Variants in NPFFR1 observed in about 807,000 individuals in gnomAD.
NPFFR1 encodes G-protein coupled receptor 147.
In NPFFR1, 17 loss-of-function variants were observed where a neutral mutation model predicts 12.7. That is an observed-to-expected ratio of 1.34 (90% CI 0.92 to 2.01). NPFFR1 has a LOEUF of 2.01. Among genes scored for constraint, NPFFR1 ranks in the 30% most tolerant of loss-of-function variants. NPFFR1 has a pLI of 0.00. For missense variants in NPFFR1, 604 were observed against 606.5 expected (o/e 1.00, Z 0.04); for synonymous variants, 296 against 264.5 (o/e 1.12, Z -1.16).
intron 1 of NPFFR1, among the ~76,000 whole-genome samples, chr10:70,279,274 G>C (rs376005387): frequency 6.6e-6 from 1 of 152,030 alleles, no homozygotes; most frequent in East Asian, 1.9e-4. Context: ...AGCCTCCCAA[G>C]TAGCTGGGAT....
intron 1 of NPFFR1, among the ~76,000 whole-genome samples, chr10:70,276,628 C>T (rs1211647902): frequency 1.4e-5 from 2 of 142,538 alleles, no homozygotes; most frequent in Non-Finnish European, 3.0e-5. Flanking sequence ...CACTCTGTCA[C>T]CCAAGCTGGA....
chr10:70,274,972 T>C (rs921904042), intron 1 of NPFFR1, among the ~76,000 whole-genome samples: 5 of 152,166 alleles, frequency 3.3e-5, no homozygotes, highest in Non-Finnish European at 7.3e-5. Flanking sequence ...TCTTGAGAAC[T>C]ATAACCTCCT....
chr10:70,267,200 G>A (rs1443180984), intron 1 of NPFFR1, among the ~76,000 whole-genome samples: 1 of 152,200 alleles, frequency 6.6e-6, no homozygotes, highest in African/African-American at 2.4e-5. Flanking sequence ...AAGGGAGAAT[G>A]AAGGGGAACT....
At chr10:70,273,411 C>T (rs1231316258) in intron 1 of NPFFR1, among the ~76,000 whole-genome samples, 1 of 152,144 alleles carries the variant, frequency 6.6e-6, no homozygotes, top group Non-Finnish European at 1.5e-5. Flanking sequence ...TTCACAGATG[C>T]TTTCCTAGGG....
chr10:70,266,709 T>C (rs1840695317), intron 1 of NPFFR1, among the ~76,000 whole-genome samples: 1 of 152,250 alleles, frequency 6.6e-6, no homozygotes, highest in South Asian at 2.1e-4. Context: ...AACCTCTAAG[T>C]TCTGCATTGC....
At chr10:70,269,570 G>A (rs1331725215) in intron 1 of NPFFR1, among the ~76,000 whole-genome samples, 1 of 149,570 alleles carries the variant, frequency 6.7e-6, no homozygotes, top group Non-Finnish European at 1.5e-5. Flanking sequence ...GAGTGCAATG[G>A]CTTCGATCTT....
In NPFFR1 at chr10:70,254,489, TC is replaced by T. The variant is rs1333528481; in HGVS notation, c.*467del. ...CAGGCCGGCTTTGCTTTTCGCTTCT[TC>T]CTAGCTGCCTAATTAGGACTTACTC... On this transcript the variant is annotated 3_prime_UTR_variant, in exon 4 of 4. Coordinates refer to ENST00000277942, the MANE Select transcript of NPFFR1 (RefSeq NM_022146.5). The T allele has an allele frequency of 2.6e-5, 4 of 155,882 alleles. No individual in the cohort carries two copies. Among genetic ancestry groups the T allele is most frequent in the African/African-American group, 9.6e-5 (4 of 41,632 alleles). 9.7% of individuals were successfully genotyped at this position (155,882 alleles called of 1,614,324 possible).
rs190406165 is a variant in NPFFR1, at chr10:70,248,844, A to G, written c.*6113T>C. The G allele has an allele frequency of 5.2e-4, 79 of 152,262 alleles. No individual in the cohort carries two copies. The highest frequency in any genetic ancestry group is 1.9e-3 in the African/African-American group (77 of 41,552). 9.4% of individuals were successfully genotyped at this position (152,262 alleles called of 1,614,324 possible). A position where few individuals can be genotyped will look rare whatever the true frequency, so the allele number is the denominator to read the frequency against. The stretch of plus-strand genomic sequence containing the variant: ...TTTTGAGTTAACCAGAAATTTAATT[A>G]TTGAAATTCAATAGCATTTTGATAT... On this transcript the variant is annotated 3_prime_UTR_variant, in exon 4 of 4. Coordinates refer to ENST00000277942, the MANE Select transcript of NPFFR1 (RefSeq NM_022146.5).
At chr10:70,277,335 CTG>C (rs1840814620) in intron 1 of NPFFR1, among the ~76,000 whole-genome samples, 1 of 152,246 alleles carries the variant, frequency 6.6e-6, no homozygotes, top group African/African-American at 2.4e-5. Flanking sequence ...CCAGGGCAAT[CTG>C]TGCCTCCTGG....
intron 3 of NPFFR1, among the ~76,000 whole-genome samples, chr10:70,259,006 A>G (rs1437558580): frequency 5.9e-5 from 9 of 152,188 alleles, no homozygotes; most frequent in Non-Finnish European, 1.0e-4. Context: ...TCACATACTC[A>G]AGAAAGCTCC....
chr10:70,264,923 T>C (rs1289826336), intron 2 of NPFFR1, among the ~76,000 whole-genome samples: 1 of 152,244 alleles, frequency 6.6e-6, no homozygotes, highest in African/African-American at 2.4e-5. Flanking sequence ...GTGACCTCAT[T>C]ATATCACTGT....
At chr10:70,270,685 G>C (rs2136804196) in intron 1 of NPFFR1, among the ~76,000 whole-genome samples, 1 of 152,290 alleles carries the variant, frequency 6.6e-6, no homozygotes, top group Middle Eastern at 3.4e-3. Context: ...AATTCCACTG[G>C]ACTGGAGGCA....
Position 70,260,704 on chromosome 10 carries a change from C to T in NPFFR1, c.358G>A (p.Gly120Ser), listed in dbSNP as rs772993774. ...GACACAGACATGCCCTGCACCAAGC[C>T]GCTCATCTTGCATGTGGCATTGTCG... is the stretch of plus-strand genomic sequence containing the variant. ...PFDNATCKMSGLVQGMSVSAS... is the reference protein window; with the variant it reads ...PFDNATCKMSSLVQGMSVSAS... Residue 120 changes from glycine to serine, a missense_variant, in exon 3 of 4, where the codon GGC (glycine) becomes AGC (serine). Coordinates refer to ENST00000277942, the MANE Select transcript of NPFFR1 (RefSeq NM_022146.5). The T allele has an allele frequency of 4.0e-5, 64 of 1,609,458 alleles. No individual in the cohort carries two copies. The highest frequency in any genetic ancestry group is 4.8e-5 in the Non-Finnish European group (56 of 1,177,976).
At chr10:70,259,595 C>T (rs1840613118) in intron 3 of NPFFR1, among the ~76,000 whole-genome samples, 1 of 152,130 alleles carries the variant, frequency 6.6e-6, no homozygotes, top group Non-Finnish European at 1.5e-5. Flanking sequence ...TTCATTACTC[C>T]AGCTGCCTAC....
At position 70,255,654 on chromosome 10, in the gene NPFFR1, G is replaced by T; in HGVS notation, c.596C>A (p.Pro199Gln). 1 of 1,596,030 alleles carries T rather than the reference G, an allele frequency of 6.3e-7. No individual in the cohort carries two copies. The highest frequency in any genetic ancestry group is 1.3e-5 in the African/African-American group (1 of 74,692). Residue 199 changes from proline (P) to glutamine (Q), a missense_variant, in exon 4 of 4, where the codon CCG becomes CAG. Pro to Gln is a moderately conservative substitution (Grantham distance 76). Transcript: ENST00000277942. This position sits in a 1 kb window ranked among gnomAD's most constrained non-coding sequence, Gnocchi z 4.2. Reference protein sequence around the residue: ...FMVDARNRSYPLYSCWEAWPE... With the variant: ...FMVDARNRSYQLYSCWEAWPE... ...CCAGGCCTCCCAGCAGGAGTAGAGCGGGTAGGAGCGGTTGCGGGCGTCCAC... is the reference window on the plus strand; with the variant it reads ...CCAGGCCTCCCAGCAGGAGTAGAGCTGGTAGGAGCGGTTGCGGGCGTCCAC...
At chr10:70,270,089 C>G (rs1840731836) in intron 1 of NPFFR1, among the ~76,000 whole-genome samples, 1 of 152,220 alleles carries the variant, frequency 6.6e-6, no homozygotes, top group Non-Finnish European at 1.5e-5. Flanking sequence ...TTGACAGCAC[C>G]TGCAAAGCAA....
In NPFFR1 at chr10:70,255,461, C is replaced by A. The variant is rs1267572194; in HGVS notation, c.789G>T (p.Arg263=). 1.3e-6 allele frequency: 2 copies of A among 1,548,262 alleles called. No individual in the cohort carries two copies. The highest frequency in any genetic ancestry group is 1.4e-5 in the African/African-American group (1 of 72,978). The change falls in exon 4 of 4, where the codon CGG becomes CGT. Residue 263 remains arginine (R), a synonymous_variant. Transcript: ENST00000277942. This position sits in a 1 kb window ranked among gnomAD's most constrained non-coding sequence, Gnocchi z 4.2. ...GCATGTGCACCACGCGCGCTCTGCGCCGCGATGCTCGCGGGTCCGCAGCCT... is the reference window on the plus strand; with the variant it reads ...GCATGTGCACCACGCGCGCTCTGCGACGCGATGCTCGCGGGTCCGCAGCCT... ...GEEAADPRAS[R]RRARVVHMLV...
rs34721849 is a variant in NPFFR1 at position 70,249,399 on chromosome 10, C to CA, written c.*5557dup. 54,807 of 141,392 alleles carry CA rather than the reference C, an allele frequency of 0.39. 11,111 individuals are homozygous for CA. The highest frequency in any genetic ancestry group is 0.48 in the South Asian group (2,178 of 4,526). The allele number at this position is 141,392 out of a possible 1,614,324, so 8.8% of individuals were successfully genotyped here. Reference sequence around the variant, plus strand: ...GGGCAACAAAAGCAAGACTCTGTCTCAAAAAAAAAAAAATTATATTCACAA... The same window carrying CA: ...GGGCAACAAAAGCAAGACTCTGTCTCAAAAAAAAAAAAAATTATATTCACAA... On this transcript the variant is annotated 3_prime_UTR_variant, in exon 4 of 4. Transcript: ENST00000277942.
In NPFFR1 at chr10:70,248,485, GTTTTT is replaced by G; in HGVS notation, c.*6467_*6471del. On this transcript the variant is annotated 3_prime_UTR_variant, in exon 4 of 4. Coordinates refer to ENST00000277942, the MANE Select transcript of NPFFR1 (RefSeq NM_022146.5). ...GCCTGGCGTTTTTTTTTTGTTTTTT[GTTTTT>G]TTTTTTTTTTTTTGAGATGGAGTCT... 1 of 91,338 alleles carries G rather than the reference GTTTTT, an allele frequency of 1.1e-5. No individual in the cohort carries two copies. Among genetic ancestry groups the G allele is most frequent in the East Asian group, 2.9e-4 (1 of 3,468 alleles). 5.7% of individuals were successfully genotyped at this position (91,338 alleles called of 1,614,324 possible). A position where few individuals can be genotyped will look rare whatever the true frequency, so the allele number is the denominator to read the frequency against.
Sources: gnomAD v4.1 joint callset for allele counts (sites outside exome capture counted in the v4.1 genomes callset) on GRCh38, gnomAD v4.1.1 for gene constraint, Gnocchi (gnomAD v3.1) non-coding constraint, MANE v1.5 for transcripts, NCBI Gene and HGNC (gene_info 2026-07-23, HGNC 2026-07-21) for gene names.